The following USP7 variants were observed in gnomAD, a reference collection of about 807,000 sequenced individuals.
The protein encoded by USP7 is ubiquitin C-terminal hydrolase 7.
In USP7, 9 loss-of-function variants were observed where a neutral mutation model predicts 162.9. The ratio of observed to expected loss-of-function variants is 0.06; its 90% CI spans 0.03 to 0.10. The LOEUF is 0.10. USP7 is among the 10% of genes least tolerant of loss of function. The pLI, the probability that USP7 is intolerant of heterozygous loss-of-function variation, is 1.00. For missense variants in USP7, 715 were observed against 1,373.7 expected, an observed-to-expected ratio of 0.52 and a Z score of 7.58; for synonymous variants, 562 against 475.9, an observed-to-expected ratio of 1.18 and a Z score of -2.35.
At chr16:8,897,275 C>T (rs1261019673) in intron 25 of USP7, 176 bp from the exon 26 acceptor site, 6 of 601,938 alleles carry the variant, frequency 1.0e-5, no homozygotes, top group Non-Finnish European at 1.8e-5. Flanking sequence ...ACAGTGAGGA[C>T]ACTGGCCCTA....
intron 1 of USP7, among the ~76,000 whole-genome samples, chr16:8,957,665 G>C (rs1899861306): frequency 6.6e-6 from 1 of 151,908 alleles, no homozygotes; most frequent in African/African-American, 2.4e-5. Flanking sequence ...GGCTGAGGTG[G>C]GAGGATCACC....
intron 14 of USP7, 106 bp downstream of exon 14, chr16:8,905,081 G>C (rs141192867): frequency 1.4e-6 from 2 of 1,404,016 alleles, no homozygotes; most frequent in African/African-American, 1.4e-5. Flanking sequence ...GAATACAATG[G>C]AATAAGCATA....
chr16:8,942,738 T>C (rs537199740), intron 1 of USP7, among the ~76,000 whole-genome samples: 16 of 152,128 alleles, frequency 1.1e-4, no homozygotes, highest in Non-Finnish European at 1.9e-4. Context: ...TTGTAGAGAC[T>C]GGGTCTCACT....
chr16:8,953,539 A>G (rs938939660), intron 1 of USP7, among the ~76,000 whole-genome samples: 1 of 127,108 alleles, frequency 7.9e-6, no homozygotes, highest in Non-Finnish European at 1.8e-5. Context: ...GAGGGAAGAC[A>G]CGTGCCCCAT....
chr16:8,912,113 G>C (rs1292736000), intron 10 of USP7, among the ~76,000 whole-genome samples: 1 of 152,186 alleles, frequency 6.6e-6, no homozygotes, highest in East Asian at 1.9e-4. Context: ...CACCCAGCAA[G>C]ATAAAAACCA....
chr16:8,957,439 A>G (rs1192240564), intron 1 of USP7, among the ~76,000 whole-genome samples: 1 of 152,086 alleles, frequency 6.6e-6, no homozygotes, highest in East Asian at 1.9e-4. Context: ...GCTATTTGTT[A>G]CTCATGCAAA....
At chr16:8,956,134 C>T (rs1367957484) in intron 1 of USP7, among the ~76,000 whole-genome samples, 5 of 152,194 alleles carry the variant, frequency 3.3e-5, no homozygotes, top group Non-Finnish European at 5.9e-5. Flanking sequence ...CTCCCAATAT[C>T]GGGATGTCAG....
intron 10 of USP7, among the ~76,000 whole-genome samples, chr16:8,912,700 C>CTGAT (rs1046538673): frequency 6.6e-6 from 1 of 151,366 alleles, no homozygotes; most frequent in Non-Finnish European, 1.5e-5. Flanking sequence ...GGCGGGCAGA[C>CTGAT]TGATTGGGCA....
chr16:8,908,192 A>G, intron 12 of USP7, 149 bp downstream of exon 12: 1 of 671,368 alleles, frequency 1.5e-6, no homozygotes, highest in East Asian at 2.8e-5. Context: ...TTCCTTTAAC[A>G]CTGCGGCTCT....
rs756337262 is a variant in USP7 at position 8,900,550 on chromosome 16, A to G, written c.2289T>C (p.Gly763=). Residue 763 remains glycine (G), a synonymous_variant, in exon 21 of 31, where the codon GGT becomes GGC. Coordinates refer to ENST00000344836, the MANE Select transcript of USP7 (RefSeq NM_003470.3). The stretch of plus-strand genomic sequence containing the variant: ...CATACTTCTGAAATACTATGATGTC[A>G]CCATCCATTAGTTCATCAAGGGCTT... The part of the protein sequence containing the change: ...LDKALDELMD[G]DIIVFQKDDP... The G allele has an allele frequency of 5.6e-6, 9 of 1,608,456 alleles. No homozygotes were observed. The East Asian group carries it at 1.1e-4, about 20-fold the overall frequency.
chr16:8,942,592 G>C (rs1596406196), intron 1 of USP7, among the ~76,000 whole-genome samples: 1 of 152,196 alleles, frequency 6.6e-6, no homozygotes, highest in Non-Finnish European at 1.5e-5. Flanking sequence ...CTGTTGGGCA[G>C]GCTGGAGTGC....
chr16:8,920,764 A>G (rs1334968641), intron 4 of USP7, among the ~76,000 whole-genome samples: 1 of 152,216 alleles, frequency 6.6e-6, no homozygotes, highest in East Asian at 1.9e-4. Context: ...GACTTAGCAT[A>G]GTAAGAAGTA....
intron 11 of USP7, among the ~76,000 whole-genome samples, chr16:8,909,870 G>C (rs937104738): frequency 4.6e-5 from 7 of 152,098 alleles, no homozygotes; most frequent in Admixed American, 2.0e-4. Context: ...AGGTTGCAGT[G>C]AGTCGAGATC....
chr16:8,927,909 C>T (rs1183200445), intron 2 of USP7, among the ~76,000 whole-genome samples: 1 of 152,160 alleles, frequency 6.6e-6, no homozygotes, highest in Non-Finnish European at 1.5e-5. Flanking sequence ...CATTGGGAGG[C>T]CAAGGCAGAA....
At chr16:8,961,677 T>C (rs1900022169) in intron 1 of USP7, among the ~76,000 whole-genome samples, 1 of 152,168 alleles carries the variant, frequency 6.6e-6, no homozygotes, top group South Asian at 2.1e-4. Flanking sequence ...CTCGTGTTAT[T>C]GGATATTTGT....
At chr16:8,906,702 C>CTTTTAA (rs2061866277) in intron 12 of USP7, 120 bp from the exon 13 acceptor site, 4 of 1,010,066 alleles carry the variant, frequency 4.0e-6, no homozygotes, top group Non-Finnish European at 5.7e-6. Flanking sequence ...CATGAATTGC[C>CTTTTAA]TTGGGAAGGC....
chr16:8,956,675 A>G (rs1174550200), intron 1 of USP7, among the ~76,000 whole-genome samples: 1 of 152,016 alleles, frequency 6.6e-6, no homozygotes, highest in Non-Finnish European at 1.5e-5. Context: ...AGGCAGGAGT[A>G]TGGCTTAAAC....
Position 8,895,686 on chromosome 16 carries a change from A to C in USP7, c.2875T>G (p.Leu959Val). Reference protein sequence around the residue: ...IIGVHQEDELLECLSPATSRT... With the variant: ...IIGVHQEDELVECLSPATSRT... ...CTCGTTGCAGGAGATAAACATTCTA[A>C]TAGTTCATCTTCTTGATGAACACCA... The change falls in exon 27 of 31, where the codon TTA becomes GTA. Residue 959 changes from leucine (L) to valine (V), a missense_variant. Physicochemically the swap from Leu to Val is conservative, Grantham distance 32 (BLOSUM62 1). Around this residue, in one of 11 missense-constraint regions of USP7, gnomAD observed 222 missense variants for 441.7 expected, o/e 0.50. Coordinates refer to ENST00000344836, the MANE Select transcript of USP7 (RefSeq NM_003470.3). The C allele has an allele frequency of 6.2e-7, 1 of 1,613,734 alleles. No homozygotes were observed. Among genetic ancestry groups the C allele is most frequent in the Non-Finnish European group, 8.5e-7 (1 of 1,179,930 alleles).
rs1900020583 is a variant in USP7, at chr16:8,961,655, G to GA, written c.79+1551dup. Reference sequence around the variant, plus strand: ...GGAAAGCGGTAGGACAATGTCATGGGAAATCCATATGCTCGTGTTATTGGA... The same window carrying GA: ...GGAAAGCGGTAGGACAATGTCATGGGAAAATCCATATGCTCGTGTTATTGGA... On this transcript the variant is annotated intron_variant, in intron 1 of 30. Coordinates refer to ENST00000344836, the MANE Select transcript of USP7 (RefSeq NM_003470.3). 5.3e-5 allele frequency among the ~76,000 whole-genome samples: 8 copies of GA among 152,244 alleles called. No individual in the cohort carries two copies. The South Asian group carries it at 1.7e-3, about 32-fold the overall frequency.
Sources: gnomAD v4.1 joint callset for allele counts (sites outside exome capture counted in the v4.1 genomes callset) on GRCh38, gnomAD v4.1.1 for gene constraint, gnomAD v4.1.1 regional missense constraint, MANE v1.5 for transcripts, NCBI Gene and HGNC (gene_info 2026-07-23, HGNC 2026-07-21) for gene names.